LAMC3: variants seen among roughly 807,000 people sequenced by gnomAD.
The protein encoded by LAMC3 is laminin subunit gamma-3.
Under a neutral mutation model 173.8 loss-of-function variants are expected in LAMC3, and 128 were observed. The ratio of observed to expected loss-of-function variants is 0.74; its 90% CI spans 0.64 to 0.85. LAMC3 has a LOEUF of 0.85. LAMC3 is among the 40% of genes least tolerant of loss of function. The pLI is 0.00. For synonymous variants in LAMC3, 897 were observed against 909.1 expected, an observed-to-expected ratio of 0.99 and a Z score of 0.24; for missense variants, 2,022 against 2,156.0, an observed-to-expected ratio of 0.94 and a Z score of 1.23.
intron 1 of LAMC3, among the ~76,000 whole-genome samples, chr9:131,024,645 C>T (rs556561671): frequency 5.3e-5 from 8 of 152,304 alleles, no homozygotes; most frequent in African/African-American, 1.9e-4. Flanking sequence ...TGAGAGGCTA[C>T]TGCCAACGGT....
chr9:131,086,815 G>C (rs1830340350), intron 25 of LAMC3, among the ~76,000 whole-genome samples: 1 of 151,744 alleles, frequency 6.6e-6, no homozygotes, highest in African/African-American at 2.4e-5. Context: ...GCTTGAACCT[G>C]GGAGGTGGAG....
At chr9:131,041,209 A>G (rs3780272) in intron 6 of LAMC3, among the ~76,000 whole-genome samples, 74,019 of 151,650 alleles carry the variant, frequency 0.49, 18,343 homozygotes, top group South Asian at 0.56. Context: ...TCTACTAAAA[A>G]TACAAAAATT....
Position 131,009,733 on chromosome 9 carries a change from T to G in LAMC3, c.373+146T>G. 1 of 1,014,990 alleles carries G rather than the reference T, an allele frequency of 9.9e-7. No individual in the cohort carries two copies. The highest frequency in any genetic ancestry group is 1.4e-6 in the Non-Finnish European group (1 of 702,816). 62.9% of individuals were successfully genotyped at this position (1,014,990 alleles called of 1,614,324 possible). A position where few individuals can be genotyped will look rare whatever the true frequency, so the allele number is the denominator to read the frequency against. On this transcript the variant is annotated intron_variant, in intron 1 of 27. Coordinates refer to ENST00000361069, the MANE Select transcript of LAMC3 (RefSeq NM_006059.4). This position sits in a 1 kb window ranked among gnomAD's most constrained non-coding sequence, Gnocchi z 4.3. ...GATGGAGGGGCTCAGAAATAGGAAT[T>G]AGGCTGGGTGCGGTGGCTCACTCCT...
At chr9:131,033,409 C>T (rs943483925) in intron 3 of LAMC3, among the ~76,000 whole-genome samples, 3 of 152,096 alleles carry the variant, frequency 2.0e-5, no homozygotes, top group African/African-American at 7.2e-5. Context: ...GAGCGTGTGC[C>T]TGGGGTCGGG....
At chr9:131,037,170 G>A (rs930190479) in intron 4 of LAMC3, among the ~76,000 whole-genome samples, 1 of 152,200 alleles carries the variant, frequency 6.6e-6, no homozygotes, top group South Asian at 2.1e-4. Flanking sequence ...CAAGGAAGCT[G>A]TGCTGGCTGG....
Position 131,054,312 on chromosome 9 carries a change from G to A in LAMC3, c.1939+1347G>A, listed in dbSNP as rs960681836. ...CTTTTGAGTCCAAGGGTGCTGGGAT[G>A]CCCTGGAGAAGCAGAGGACATAGCG... is the stretch of plus-strand genomic sequence containing the variant. On this transcript the variant is annotated intron_variant, in intron 11 of 27. Coordinates refer to ENST00000361069, the MANE Select transcript of LAMC3 (RefSeq NM_006059.4). Among the ~76,000 whole-genome samples the A allele has an allele frequency of 2.0e-5, 3 of 152,162 alleles. 1 individual carries two copies. The highest frequency in any genetic ancestry group is 2.0e-4 in the Admixed American group (3 of 15,270).
intron 22 of LAMC3, among the ~76,000 whole-genome samples, chr9:131,078,885 C>T (rs1297259959): frequency 6.6e-6 from 1 of 152,232 alleles, no homozygotes; most frequent in African/African-American, 2.4e-5. Flanking sequence ...CAAGTAAGGG[C>T]TTCCCCAGCC....
At position 131,077,425 on chromosome 9, in the gene LAMC3, G is replaced by A. The variant is rs959653110; in HGVS notation, c.3777+91G>A. 48 of 1,535,658 alleles carry A rather than the reference G, an allele frequency of 3.1e-5. No homozygotes were observed. The Middle Eastern group carries it at 6.9e-4, about 22-fold the overall frequency. ...GGCACGGTGGCTCACGCCTGTAATC[G>A]CAGCACTTTGGGAGGCCGAGGCGGG... On this transcript the variant is annotated intron_variant, in intron 22 of 27. Coordinates refer to ENST00000361069, the MANE Select transcript of LAMC3 (RefSeq NM_006059.4).
chr9:131,068,307 G>A, intron 15 of LAMC3, 76 bp downstream of exon 15: 1 of 1,498,896 alleles, frequency 6.7e-7, no homozygotes, highest in Non-Finnish European at 9.1e-7. Context: ...CCCCAGGGAG[G>A]GGCCTGGTTT....
chr9:131,059,938 T>C (rs1829775422), intron 12 of LAMC3, among the ~76,000 whole-genome samples: 1 of 152,246 alleles, frequency 6.6e-6, no homozygotes, highest in South Asian at 2.1e-4. Context: ...CCTTGGCTGC[T>C]GGGGTGCTGC....
At chr9:131,086,306 G>T (rs1830329759) in intron 25 of LAMC3, among the ~76,000 whole-genome samples, 1 of 152,004 alleles carries the variant, frequency 6.6e-6, no homozygotes, top group African/African-American at 2.4e-5. Context: ...TCGAACTTCT[G>T]ATCTCAGATG....
rs753188212 is a variant in LAMC3 at position 131,075,970 on chromosome 9, G to A, written c.3629+5G>A. The A allele has an allele frequency of 5.0e-6, 8 of 1,603,346 alleles. No homozygotes were observed. In the Admixed American group the frequency reaches 1.2e-4, roughly 24 times the overall value. ...CCAGCGGGACCTGGAGGACAGGTGA[G>A]GCCTCCCCAGGTGTGGGTAGAAACT... On this transcript the variant is annotated splice_donor_5th_base_variant and intron_variant, in intron 21 of 27. Transcript: ENST00000361069.
rs1833724183 is a variant in LAMC3 at position 131,026,702 on chromosome 9, G to T, written c.678+113G>T. ...GGTGGGGGACCTGCAAAACCCCATG[G>T]TTTTCTTTTTCTTCTTTTATTTTTG... On this transcript the variant is annotated intron_variant, in intron 2 of 27. Coordinates refer to ENST00000361069, the MANE Select transcript of LAMC3 (RefSeq NM_006059.4). The surrounding 1 kb of genome is among the most constrained non-coding windows in gnomAD (Gnocchi z 4.8). 2 of 1,421,430 alleles carry T rather than the reference G, an allele frequency of 1.4e-6. No individual in the cohort carries two copies. The highest frequency in any genetic ancestry group is 2.5e-5 in the East Asian group (1 of 39,820). 88.1% of individuals were successfully genotyped at this position (1,421,430 alleles called of 1,614,324 possible).
chr9:131,070,117 ACT>A (rs913328103), intron 17 of LAMC3, among the ~76,000 whole-genome samples: 1 of 152,048 alleles, frequency 6.6e-6, no homozygotes, highest in African/African-American at 2.4e-5. Context: ...CTGGGGTCTC[ACT>A]CTCTCAGGTT....
In LAMC3 at chr9:131,052,017, C is replaced by T. The variant is rs369021580; in HGVS notation, c.1631-474C>T. On this transcript the variant is annotated intron_variant, in intron 9 of 27. Coordinates refer to ENST00000361069, the MANE Select transcript of LAMC3 (RefSeq NM_006059.4). Reference sequence around the variant, plus strand: ...TCTGATTGGAAGGGAAAGCATGGCCCGGGGCCCAGAGCACCTCTGCTCACT... The same window carrying T: ...TCTGATTGGAAGGGAAAGCATGGCCTGGGGCCCAGAGCACCTCTGCTCACT... 8.1e-4 allele frequency among the ~76,000 whole-genome samples: 124 copies of T among 152,270 alleles called. 2 individuals are homozygous for T. The highest frequency in any genetic ancestry group is 1.5e-3 in the Non-Finnish European group (101 of 68,020).
At chr9:131,077,065 G>A (rs1451218241) in intron 21 of LAMC3, 122 bp from the exon 22 acceptor site, 2 of 1,312,690 alleles carry the variant, frequency 1.5e-6, no homozygotes, top group Non-Finnish European at 2.2e-6. Flanking sequence ...ACCCCGCAGA[G>A]GGCTATTCTG....
intron 9 of LAMC3, among the ~76,000 whole-genome samples, chr9:131,052,155 C>A (rs994843898): frequency 4.6e-5 from 7 of 152,172 alleles, no homozygotes; most frequent in Non-Finnish European, 1.0e-4. Context: ...CATGAGCAGA[C>A]GGCAGCCTCT....
chr9:131,039,313 G>T, intron 6 of LAMC3, 65 bp downstream of exon 6: 2 of 1,333,562 alleles, frequency 1.5e-6, no homozygotes, highest in South Asian at 2.4e-5. Flanking sequence ...GGAGGAACAG[G>T]CTGTCAGCAG....
chr9:131,031,392 C>T (rs1191644300), intron 2 of LAMC3, among the ~76,000 whole-genome samples: 1 of 152,160 alleles, frequency 6.6e-6, no homozygotes, highest in African/African-American at 2.4e-5. Context: ...TAGGGCCAGG[C>T]AGAGCCCAGG....
Sources: allele counts gnomAD v4.1 joint callset (sites outside exome capture counted in the v4.1 genomes callset), GRCh38; gene constraint gnomAD v4.1.1; non-coding constraint Gnocchi (gnomAD v3.1); transcripts MANE v1.5; gene names NCBI Gene and HGNC (gene_info 2026-07-23, HGNC 2026-07-21).